NADK: variants seen among roughly 807,000 people sequenced by gnomAD.
The protein encoded by NADK is NAD kinase, also known as poly(P)/ATP NAD kinase.
In NADK, 22 loss-of-function variants were observed where a neutral mutation model predicts 49.8. The ratio of observed to expected loss-of-function variants is 0.44; its 90% confidence interval spans 0.32 to 0.63. The LOEUF is 0.63. Among genes scored for constraint, NADK ranks in the 30% least tolerant of loss-of-function variants. NADK has a pLI of 0.06. For synonymous variants in NADK, 268 were observed against 253.7 expected, an observed-to-expected ratio of 1.06 and a Z score of -0.54; for missense variants, 438 against 609.4, an observed-to-expected ratio of 0.72 and a Z score of 2.96.
intron 3 of NADK, chr1:1,759,969 G>A: frequency 6.7e-7 from 1 of 1,501,670 alleles, no homozygotes; most frequent in South Asian, 1.2e-5. Flanking sequence ...GGGTGCCAGG[G>A]ACACAGCAAG....
At chr1:1,760,166 G>A (rs1399345837) in intron 3 of NADK, among the ~76,000 whole-genome samples, 1 of 152,222 alleles carries the variant, frequency 6.6e-6, no homozygotes, top group African/African-American at 2.4e-5. Flanking sequence ...CAAAGTGACA[G>A]AATCTGCAGA....
chr1:1,755,663 C>T (rs1645493701), intron 6 of NADK, among the ~76,000 whole-genome samples, 187 bp from the exon 7 acceptor site: 1 of 152,146 alleles, frequency 6.6e-6, no homozygotes, highest in Middle Eastern at 3.2e-3. Flanking sequence ...GCCACCAGGG[C>T]CAAGGTTGGT....
chr1:1,757,165 C>G lies in NADK; in HGVS notation c.393+16G>C. 6.2e-7 allele frequency: 1 copy of G among 1,607,630 alleles called. No homozygotes were observed. Among genetic ancestry groups the G allele is most frequent in the Non-Finnish European group, 8.5e-7 (1 of 1,177,220 alleles). ...CCATGTGCACCCCAGGCCCCCTTCC[C>G]CCCTGCCCCGCGTGCCTCCATGAGG... On this transcript the variant is annotated intron_variant, in intron 4 of 11. Transcript: ENST00000341426.
chr1:1,770,254 A>G (rs531498005), intron 1 of NADK, among the ~76,000 whole-genome samples: 3 of 152,278 alleles, frequency 2.0e-5, no homozygotes, highest in South Asian at 4.1e-4. Context: ...CATGTCTGGT[A>G]TAACTACTCC....
intron 3 of NADK, among the ~76,000 whole-genome samples, chr1:1,757,786 C>A (rs78804397): frequency 1.3e-5 from 2 of 152,140 alleles, no homozygotes; most frequent in Admixed American, 6.5e-5. Flanking sequence ...TCTGGCCCCA[C>A]GGGAGCCCAG....
At chr1:1,772,506 C>T (rs1646081222) in intron 1 of NADK, among the ~76,000 whole-genome samples, 1 of 152,112 alleles carries the variant, frequency 6.6e-6, no homozygotes, top group Admixed American at 6.5e-5. Context: ...GGTGTGGTGG[C>T]TTGTGCCTGT....
rs1645371106 is a variant in NADK at position 1,752,920 on chromosome 1, T to TCCC, written c.1324_1325insGGG (p.Glu441_Glu442insGly). Reference sequence around the variant, plus strand: ...GGGCTTGACCTAGCCCTCCTCCTCCTCCTCCTCCTCCTCCTCGAAGTGGGC... The same window carrying TCCC: ...GGGCTTGACCTAGCCCTCCTCCTCCTCCCCCTCCTCCTCCTCCTCGAAGTGGGC... On this transcript the variant is annotated inframe_insertion, in exon 12 of 12. Coordinates refer to ENST00000341426, the MANE Select transcript of NADK (RefSeq NM_023018.5). 1.9e-6 allele frequency: 3 copies of TCCC among 1,598,386 alleles called. No homozygotes were observed. The highest frequency in any genetic ancestry group is 2.6e-6 in the Non-Finnish European group (3 of 1,172,450).
intron 1 of NADK, among the ~76,000 whole-genome samples, chr1:1,767,554 C>T (rs375644906): frequency 1.3e-4 from 20 of 152,306 alleles, no homozygotes; most frequent in African/African-American, 4.6e-4. Context: ...AGGCTAAACA[C>T]ACAAAATAAA....
chr1:1,754,056 G>A lies in NADK; in HGVS notation c.1096C>T (p.Leu366=). 4 of 1,579,970 alleles carry A rather than the reference G, an allele frequency of 2.5e-6. No individual in the cohort carries two copies. Among genetic ancestry groups the A allele is most frequent in the Non-Finnish European group, 3.4e-6 (4 of 1,162,978 alleles). ...RPIVVPAGVE[L]KIMLSPEARN... is the part of the protein sequence containing the mutation. ...GGAGTGTCGTTGGCTCTGACCTTCA[G>A]CTCGACCCCTGCGGGGACCACGATG... Residue 366 remains leucine, a synonymous_variant, in exon 10 of 12, where the codon CTG becomes TTG. Transcript: ENST00000341426. This position sits in a 1 kb window ranked among gnomAD's most constrained non-coding sequence, Gnocchi z 4.3.
chr1:1,757,035 G>C, intron 4 of NADK, 146 bp downstream of exon 4: 1 of 1,260,252 alleles, frequency 7.9e-7, no homozygotes. Flanking sequence ...ACACCCGGCA[G>C]ATCCCCACTC....
intron 3 of NADK, chr1:1,759,930 G>T: frequency 6.5e-7 from 1 of 1,549,560 alleles, no homozygotes; most frequent in East Asian, 2.4e-5. Context: ...TGCAGGGAGG[G>T]CACCAGGCAG....
chr1:1,777,435 A>T (rs547805130), intron 1 of NADK, among the ~76,000 whole-genome samples: 1 of 152,376 alleles, frequency 6.6e-6, no homozygotes, highest in African/African-American at 2.4e-5. Flanking sequence ...TTTCAGGCCA[A>T]CTAAGGCTGT....
At position 1,753,517 on chromosome 1, in the gene NADK, C is replaced by A. The variant is rs1400089221; in HGVS notation, c.1184+50G>T. 2.6e-6 allele frequency: 4 copies of A among 1,534,620 alleles called. No individual in the cohort carries two copies. In the Admixed American group the frequency reaches 7.1e-5, roughly 27 times the overall value. ...CCGCAAGAGGGCAGGCGCTGCCTGG[C>A]CCGGGGAGGAGGTTGGCAGGCAGCG... On this transcript the variant is annotated intron_variant, in intron 11 of 11. Transcript: ENST00000341426.
chr1:1,779,599 T>A (rs1011059461), upstream of NADK, among the ~76,000 whole-genome samples: 3 of 152,050 alleles, frequency 2.0e-5, no homozygotes, highest in Admixed American at 6.6e-5. Flanking sequence ...CCACTTCAGC[T>A]TCCCTAGTAG....
chr1:1,779,667 TTGTG>T (rs34618817), upstream of NADK, among the ~76,000 whole-genome samples: 626 of 148,692 alleles, frequency 4.2e-3, 5 homozygotes, highest in African/African-American at 0.011. Flanking sequence ...ATATATATAT[TTGTG>T]TGTGTGTGTG....
intron 4 of NADK, chr1:1,756,968 C>A: frequency 3.4e-6 from 3 of 875,164 alleles, no homozygotes; most frequent in Non-Finnish European, 5.7e-6. Flanking sequence ...ACGAGCCCAC[C>A]AGCTCATTGT....
intron 4 of NADK, 145 bp from the exon 5 acceptor site, chr1:1,756,753 A>G (rs2281173): frequency 0.86 from 1,229,794 of 1,423,212 alleles, 545,611 homozygotes; most frequent in Non-Finnish European, 0.92. Flanking sequence ...AAACTTCATC[A>G]CCAACGCGCC....
At chr1:1,761,190 A>G (rs1353936126) in intron 3 of NADK, among the ~76,000 whole-genome samples, 3 of 152,094 alleles carry the variant, frequency 2.0e-5, no homozygotes, top group African/African-American at 7.2e-5. Flanking sequence ...ATGGGGTTTC[A>G]CCATATTGGC....
intron 1 of NADK, among the ~76,000 whole-genome samples, chr1:1,773,493 G>T (rs886918536): frequency 2.0e-5 from 3 of 149,498 alleles, no homozygotes; most frequent in Non-Finnish European, 4.4e-5. Flanking sequence ...GCTCACACTT[G>T]TAATCCCAGC....
Sources: allele counts gnomAD v4.1 joint callset (sites outside exome capture counted in the v4.1 genomes callset), GRCh38; gene constraint gnomAD v4.1.1; non-coding constraint Gnocchi (gnomAD v3.1); transcripts MANE v1.5; gene names NCBI Gene and HGNC (gene_info 2026-07-23, HGNC 2026-07-21).